CEP192: variants seen among roughly 807,000 people sequenced by gnomAD.
CEP192 encodes the protein centrosomal protein of 192 kDa.
In CEP192, 151 loss-of-function variants were observed where a neutral mutation model predicts 271.8. The observed-to-expected ratio is 0.56, with a 90% CI of 0.49 to 0.64. CEP192 has a LOEUF of 0.64. Among genes scored for constraint, CEP192 ranks in the 30% least tolerant of loss-of-function variants. CEP192 has a pLI of 0.00. For missense variants in CEP192, 2,910 were observed against 3,020.5 expected (o/e 0.96, Z 0.86); for synonymous variants, 995 against 1,076.5 (o/e 0.92, Z 1.48).
At position 13,092,468 on chromosome 18, in the gene CEP192, T is replaced by C. The variant is rs1388276103; in HGVS notation, c.6195T>C (p.Asp2065=). The C allele has an allele frequency of 8.1e-6, 13 of 1,609,724 alleles. No homozygotes were observed. The highest frequency in any genetic ancestry group is 1.3e-5 in the African/African-American group (1 of 74,776). Residue 2065 remains aspartate (D), a synonymous_variant, in exon 34 of 45, where the codon GAT becomes GAC. Transcript: ENST00000506447. ...IILSVIGEFR[D]CISSREFLQP... is the part of the protein sequence containing the mutation. ...TTTCAGTAATTGGAGAATTCAGAGA[T>C]TGCATTTCTAGCAGAGAATTCCTTC...
chr18:13,043,226 T>C (rs1165572191), intron 15 of CEP192, among the ~76,000 whole-genome samples: 2 of 152,262 alleles, frequency 1.3e-5, no homozygotes, highest in Non-Finnish European at 2.9e-5. Flanking sequence ...ATTTTTCCAA[T>C]GGACAGTTCG....
In CEP192 at chr18:13,056,231, A is replaced by C. The variant is rs147664158; in HGVS notation, c.3641A>C (p.Gln1214Pro). Reference protein sequence around the residue: ...KSTAGREFSGQVSHQTTSENQ... With the variant: ...KSTAGREFSGPVSHQTTSENQ... ...ACTGCTGGCCGTGAGTTCAGTGGCC[A>C]GGTTTCTCATCAGACCACCTCTGAA... Residue 1214 changes from glutamine (Q) to proline (P), a missense_variant, in exon 19 of 45, where the codon CAG (glutamine) becomes CCG (proline). Coordinates refer to ENST00000506447, the MANE Select transcript of CEP192 (RefSeq NM_032142.4). The C allele has an allele frequency of 4.3e-6, 7 of 1,614,034 alleles. No individual in the cohort carries two copies. In the Admixed American group the frequency reaches 1.2e-4, roughly 27 times the overall value.
At chr18:13,116,604 A>G (rs1475387767) in intron 43 of CEP192, 101 bp downstream of exon 43, 1 of 1,206,184 alleles carries the variant, frequency 8.3e-7, no homozygotes. Flanking sequence ...TTAAGTTGTA[A>G]GAATGAGGTA....
Position 13,002,010 on chromosome 18 carries a change from G to A in CEP192, c.290+428G>A, listed in dbSNP as rs1351496940. 5.3e-5 allele frequency among the ~76,000 whole-genome samples: 8 copies of A among 152,290 alleles called. No individual in the cohort carries two copies. In the East Asian group the frequency reaches 7.7e-4, roughly 15 times the overall value. On this transcript the variant is annotated intron_variant, in intron 3 of 44. Coordinates refer to ENST00000506447, the MANE Select transcript of CEP192 (RefSeq NM_032142.4). ...TAGAATTGTAGGCGTGAGCCACCGC[G>A]CCCGGCCAAGAGTTTTCTTTATGCA...
rs1786263 is a variant in CEP192, at chr18:13,116,433, G to T, written c.7346G>T (p.Arg2449Leu). The T allele has an allele frequency of 0.64, 1,030,228 of 1,610,386 alleles. 335,822 individuals carry two copies. Among genetic ancestry groups the T allele is most frequent in the African/African-American group, 0.93 (69,952 of 74,824 alleles). ...GCCCCAGAGGATGTGTACAGGTTCC[G>T]GCCGACTAGTGTGGGGGAATCACGG... ...VYAPEDVYRF[R>L]PTSVGESRTL... is the part of the protein sequence containing the mutation. The change falls in exon 43 of 45, where the codon CGG (arginine) becomes CTG (leucine). Residue 2449 changes from arginine (R) to leucine (L), a missense_variant. Transcript: ENST00000506447.
intron 24 of CEP192, 102 bp downstream of exon 24, chr18:13,068,524 T>C: frequency 2.0e-6 from 2 of 1,018,398 alleles, no homozygotes; most frequent in Non-Finnish European, 2.9e-6. Flanking sequence ...TACTTCGAAA[T>C]CTGTCAACTA....
intron 3 of CEP192, among the ~76,000 whole-genome samples, chr18:13,003,820 G>T (rs2033811848): frequency 6.6e-6 from 1 of 152,088 alleles, no homozygotes; most frequent in Non-Finnish European, 1.5e-5. Flanking sequence ...CCACTCTCGC[G>T]GTTATGTGGA....
In CEP192 at chr18:13,056,089, C is replaced by T; in HGVS notation, c.3499C>T (p.Leu1167=). ...SNPEELDPIR[L]ALLGKSGLSC... The stretch of plus-strand genomic sequence containing the variant: ...CCCTGAGGAATTGGACCCGATCAGG[C>T]TGGCTCTCCTGGGCAAGTCAGGTCT... The change falls in exon 19 of 45, where the codon CTG becomes TTG. Residue 1167 remains leucine (L), a synonymous_variant. Transcript: ENST00000506447. 3 of 1,613,416 alleles carry T rather than the reference C, an allele frequency of 1.9e-6. No homozygotes were observed. Among genetic ancestry groups the T allele is most frequent in the Non-Finnish European group, 8.5e-7 (1 of 1,179,560 alleles).
intron 1 of CEP192, among the ~76,000 whole-genome samples, chr18:12,994,004 GGTTAAA>G (rs1482244117): frequency 3.3e-5 from 5 of 152,114 alleles, no homozygotes; most frequent in African/African-American, 7.2e-5. Context: ...AATTTATAGG[GGTTAAA>G]GTTAAAGTAG....
chr18:13,113,573 A>G lies in CEP192; in HGVS notation c.7048-13A>G, dbSNP rs2040302532. 1 of 1,612,210 alleles carries G rather than the reference A, an allele frequency of 6.2e-7. No homozygotes were observed. The highest frequency in any genetic ancestry group is 8.5e-7 in the Non-Finnish European group (1 of 1,178,894). On this transcript the variant is annotated splice_polypyrimidine_tract_variant and intron_variant, in intron 40 of 44. Transcript: ENST00000506447. ...ATCAGTGTCTAAATTTCTCTTCTGTATGTATTTCGTAGGTCTCCATCACAT... is the reference window on the plus strand; with the variant it reads ...ATCAGTGTCTAAATTTCTCTTCTGTGTGTATTTCGTAGGTCTCCATCACAT...
chr18:13,071,355 G>A (rs921415091), intron 28 of CEP192, 143 bp downstream of exon 28: 9 of 656,592 alleles, frequency 1.4e-5, no homozygotes, highest in African/African-American at 5.5e-5. Context: ...AGATGGGCAC[G>A]TGTCCTGATT....
At position 13,089,500 on chromosome 18, in the gene CEP192, A is replaced by G. The variant is rs1045610893; in HGVS notation, c.6038A>G (p.Glu2013Gly). Residue 2013 changes from glutamate to glycine, a missense_variant, in exon 33 of 45, where the codon GAA becomes GGA. Transcript: ENST00000506447. ...GAGATGATAAAACAGATACTTCCAG[A>G]ACATAGTGTGCTTCAAAACATTAAT... is the stretch of plus-strand genomic sequence containing the variant. The part of the protein sequence containing the change: ...KPEMIKQILP[E>G]HSVLQNINFV... 2 of 1,607,182 alleles carry G rather than the reference A, an allele frequency of 1.2e-6. No individual in the cohort carries two copies. The highest frequency in any genetic ancestry group is 1.3e-5 in the African/African-American group (1 of 74,900).
At chr18:13,102,184 C>T (rs1006129958) in intron 38 of CEP192, among the ~76,000 whole-genome samples, 4 of 152,154 alleles carry the variant, frequency 2.6e-5, no homozygotes, top group Non-Finnish European at 5.9e-5. Context: ...CTGCCACCTC[C>T]CCTGCTCCTG....
intron 30 of CEP192, among the ~76,000 whole-genome samples, chr18:13,082,826 A>G (rs918777571): frequency 3.3e-5 from 5 of 152,164 alleles, no homozygotes; most frequent in African/African-American, 7.2e-5. Flanking sequence ...GGTGGTGACA[A>G]AATCTCTCAG....
chr18:12,993,495 A>G (rs1476027551), intron 1 of CEP192, among the ~76,000 whole-genome samples: 1 of 152,208 alleles, frequency 6.6e-6, no homozygotes, highest in Non-Finnish European at 1.5e-5. Context: ...TATTTAAGAC[A>G]GGGTCTCACT....
chr18:13,060,072 G>A (rs781316091), intron 21 of CEP192, among the ~76,000 whole-genome samples: 3 of 152,120 alleles, frequency 2.0e-5, no homozygotes, highest in Non-Finnish European at 4.4e-5. Context: ...GTCCTGAGTC[G>A]CTTAACAATA....
chr18:13,109,845 T>A (rs938264031), intron 40 of CEP192, among the ~76,000 whole-genome samples: 1 of 152,142 alleles, frequency 6.6e-6, no homozygotes, highest in African/African-American at 2.4e-5. Flanking sequence ...ACGAAAAGCA[T>A]TTGTCAAGTG....
At chr18:13,079,226 G>A (rs1450819282) in intron 30 of CEP192, among the ~76,000 whole-genome samples, 1 of 152,172 alleles carries the variant, frequency 6.6e-6, no homozygotes, top group East Asian at 1.9e-4. Flanking sequence ...CTTCCACAAT[G>A]ATTGAACTAG....
At chr18:13,007,793 A>T (rs2034075249) in intron 3 of CEP192, among the ~76,000 whole-genome samples, 2 of 151,752 alleles carry the variant, frequency 1.3e-5, no homozygotes, top group Non-Finnish European at 2.9e-5. Flanking sequence ...AAGGACTTTT[A>T]AAAAAAAATC....
Sources: gnomAD v4.1 joint callset for allele counts (sites outside exome capture counted in the v4.1 genomes callset) on GRCh38, gnomAD v4.1.1 for gene constraint, MANE v1.5 for transcripts, NCBI Gene and HGNC (gene_info 2026-07-23, HGNC 2026-07-21) for gene names.